The following NSF variants were observed in gnomAD, a reference collection of about 807,000 sequenced individuals.
The protein encoded by NSF is N-ethylmaleimide sensitive factor, vesicle fusing ATPase.
Under a neutral mutation model 50.3 loss-of-function variants are expected in NSF, and 14 were observed. That is an observed-to-expected ratio of 0.28 (90% CI 0.18 to 0.44). The LOEUF (loss-of-function observed/expected upper bound fraction) is 0.44. NSF is among the 20% of genes least tolerant of loss of function. The probability of loss-of-function intolerance (pLI) is 1.00; values close to 1 mark genes in which losing one functional copy is unlikely to be tolerated. For missense variants in NSF, 218 were observed against 504.3 expected, an observed-to-expected ratio of 0.43 and a Z score of 5.44; for synonymous variants, 109 against 175.7, an observed-to-expected ratio of 0.62 and a Z score of 3.00.
At chr17:46,713,232 A>T (rs1290707925) in intron 14 of NSF, 3 of 152,414 alleles carry the variant, frequency 2.0e-5, no homozygotes, top group African/African-American at 7.2e-5. Flanking sequence ...AGTCGAACAT[A>T]TGGGAGAAAG....
intron 8 of NSF, among the ~76,000 whole-genome samples, chr17:46,666,153 ATATACT>A (rs1484408802): frequency 2.7e-5 from 4 of 147,960 alleles, no homozygotes; most frequent in African/African-American, 1.0e-4. Context: ...TGGAAAATAA[ATATACT>A]TATGATAGAG....
rs889845614 is a variant in NSF at position 46,605,379 on chromosome 17, T to C, written c.12+14592T>C. 1.5e-3 allele frequency among the ~76,000 whole-genome samples: 170 copies of C among 114,182 alleles called. 1 individual carries two copies. Among genetic ancestry groups the C allele is most frequent in the African/African-American group, 5.3e-3 (156 of 29,690 alleles). The allele number at this position is 114,182 out of a possible 152,430, so 74.9% of individuals were successfully genotyped here. A position where few individuals can be genotyped will look rare whatever the true frequency, so the allele number is the denominator to read the frequency against. The stretch of plus-strand genomic sequence containing the variant: ...AGGAGAATTGCTTGAACCTGGGAGG[T>C]GGAGGTTGCAGTGAGCCGAGATCGT... On this transcript the variant is annotated intron_variant, in intron 1 of 20. Transcript: ENST00000398238.
At chr17:46,676,157 G>A (rs1308956214) in intron 9 of NSF, among the ~76,000 whole-genome samples, 7 of 142,740 alleles carry the variant, frequency 4.9e-5, no homozygotes, top group African/African-American at 1.9e-4. Context: ...TGCCACCACA[G>A]GGAAATTAAC....
chr17:46,609,827 C>CTTTTTTTTT (rs147645851), intron 1 of NSF, among the ~76,000 whole-genome samples: 1 of 123,328 alleles, frequency 8.1e-6, no homozygotes. Flanking sequence ...CTCACTGTTT[C>CTTTTTTTTT]TTTTTTTTTT....
intron 17 of NSF, among the ~76,000 whole-genome samples, chr17:46,747,185 G>A (rs2059137876): frequency 6.6e-6 from 1 of 152,176 alleles, no homozygotes; most frequent in Non-Finnish European, 1.5e-5. Flanking sequence ...GACACTTGAG[G>A]AAAGCCTCCA....
chr17:46,721,530 A>C, intron 15 of NSF: 1 of 1,137,590 alleles, frequency 8.8e-7, no homozygotes, highest in Non-Finnish European at 1.3e-6. Flanking sequence ...CTGACTATAC[A>C]TTCTTTTTCT....
intron 17 of NSF, among the ~76,000 whole-genome samples, chr17:46,748,417 C>G (rs1413992252): frequency 6.6e-6 from 1 of 152,164 alleles, no homozygotes; most frequent in African/African-American, 2.4e-5. Context: ...TGGCCTCTAA[C>G]CTTATTTTTT....
Position 46,748,726 on chromosome 17 carries a change from C to G in NSF, c.1909-1047C>G, listed in dbSNP as rs148868131. Among the ~76,000 whole-genome samples the G allele has an allele frequency of 2.2e-3, 334 of 152,298 alleles. 1 individual carries two copies. Among genetic ancestry groups the G allele is most frequent in the African/African-American group, 7.6e-3 (317 of 41,564 alleles). ...GAGGGGAATTTCTTCAAGAACACAA[C>G]TTTAAACTATGTAATGTGTTTGAAC... On this transcript the variant is annotated intron_variant, in intron 17 of 20. Coordinates refer to ENST00000398238, the MANE Select transcript of NSF (RefSeq NM_006178.4).
chr17:46,676,551 C>T (rs947134824), intron 9 of NSF, among the ~76,000 whole-genome samples: 9 of 146,096 alleles, frequency 6.2e-5, no homozygotes, highest in Non-Finnish European at 1.2e-4. Flanking sequence ...AATTGTAAAC[C>T]ATGGATCCTT....
chr17:46,725,852 A>G (rs1225983957), intron 15 of NSF, among the ~76,000 whole-genome samples: 1 of 152,146 alleles, frequency 6.6e-6, no homozygotes, highest in East Asian at 1.9e-4. Flanking sequence ...CTTCATTTCC[A>G]AAAAGGCTAG....
At chr17:46,708,585 A>G (rs1343900598) in intron 13 of NSF, among the ~76,000 whole-genome samples, 1 of 135,520 alleles carries the variant, frequency 7.4e-6, no homozygotes, top group Non-Finnish European at 1.5e-5. Context: ...TCTGCCTCCC[A>G]GGTTTAAGTG....
rs530792360 is a variant in NSF at position 46,688,279 on chromosome 17, G to A, written c.946-4624G>A. 5.3e-5 allele frequency among the ~76,000 whole-genome samples: 8 copies of A among 151,128 alleles called. No individual in the cohort carries two copies. In the South Asian group the frequency reaches 1.7e-3, roughly 31 times the overall value. ...TAATCCTAGCACTTTGGGAAGCCAA[G>A]GTGGGAGGATCACTTAAGTCTAGGA... is the stretch of plus-strand genomic sequence containing the variant. On this transcript the variant is annotated intron_variant, in intron 9 of 20. Coordinates refer to ENST00000398238, the MANE Select transcript of NSF (RefSeq NM_006178.4).
intron 4 of NSF, among the ~76,000 whole-genome samples, chr17:46,635,777 A>ATGTG (rs148930686): frequency 0.21 from 23,968 of 116,544 alleles, 1,340 homozygotes; most frequent in Middle Eastern, 0.25. Context: ...GGGAAAATAA[A>ATGTG]TGTGTGTGTG....
chr17:46,737,908 ATATTATTATTATTAT>A (rs138655503), intron 17 of NSF, among the ~76,000 whole-genome samples: 22,708 of 145,734 alleles, frequency 0.16, 2,040 homozygotes, highest in Non-Finnish European at 0.2. Flanking sequence ...TAAAATTAGC[ATATTATTATTATTAT>A]TATTATTATT....
Position 46,713,926 on chromosome 17 carries a change from C to G in NSF, c.1701C>G (p.Ile567Met). 6.2e-7 allele frequency: 1 copy of G among 1,611,682 alleles called. No homozygotes were observed. The change falls in exon 15 of 21, where the codon ATC becomes ATG. Residue 567 changes from isoleucine to methionine, a missense_variant. Physicochemically the swap from Ile to Met is conservative, Grantham distance 10. This residue lies in a region of NSF where 209 missense variants were observed against 320.9 expected (regional missense o/e 0.65). Transcript: ENST00000398238. ...AEESNFPFIK[I>M]CSPDKMIGFS... ...AATCCAACTTCCCGTTCATCAAGAT[C>G]TGTTCTCCTGATAAAATGATTGGCT...
chr17:46,726,102 G>A (rs1354659772), intron 15 of NSF, among the ~76,000 whole-genome samples: 1 of 152,156 alleles, frequency 6.6e-6, no homozygotes, highest in African/African-American at 2.4e-5. Flanking sequence ...ATTATGGTCT[G>A]ATTTGAGTTG....
intron 1 of NSF, among the ~76,000 whole-genome samples, chr17:46,610,104 TC>T: frequency 1.3e-5 from 1 of 78,024 alleles, no homozygotes; most frequent in African/African-American, 3.7e-5. Flanking sequence ...TCTCTTTCTC[TC>T]TCTCTCTCTC....
intron 1 of NSF, among the ~76,000 whole-genome samples, chr17:46,608,740 AC>A (rs1327560443): frequency 5.7e-5 from 7 of 122,846 alleles, no homozygotes; most frequent in African/African-American, 2.4e-4. Flanking sequence ...GATTATGGGC[AC>A]CCACCACCAC....
intron 15 of NSF, chr17:46,722,242 T>A: frequency 1.7e-6 from 2 of 1,206,682 alleles, no homozygotes. Flanking sequence ...TCAAAATCCC[T>A]ACATTCTTAA....
Sources: allele counts gnomAD v4.1 joint callset (sites outside exome capture counted in the v4.1 genomes callset), GRCh38; gene constraint gnomAD v4.1.1; regional missense constraint gnomAD v4.1.1; transcripts MANE v1.5; gene names NCBI Gene and HGNC (gene_info 2026-07-23, HGNC 2026-07-21).